SPOCK3: variants seen among roughly 807,000 people sequenced by gnomAD.
SPOCK3 encodes the protein testican-3.
Under a neutral mutation model 56.6 loss-of-function variants are expected in SPOCK3, and 30 were observed. That is an observed-to-expected ratio of 0.53 (90% CI 0.40 to 0.72). The LOEUF is 0.72. Ranked by LOEUF, SPOCK3 falls within the 30% of genes least tolerant of loss-of-function variation. The pLI is 0.00. For missense variants in SPOCK3, 527 were observed against 530.0 expected (o/e 0.99, Z 0.06); for synonymous variants, 196 against 183.3 (o/e 1.07, Z -0.56).
intron 3 of SPOCK3, among the ~76,000 whole-genome samples, chr4:167,027,828 G>A (rs1726205551): frequency 6.6e-6 from 1 of 151,968 alleles, no homozygotes; most frequent in Admixed American, 6.6e-5. Context: ...GAGGAAGGGG[G>A]TCTTGCTGTC....
intron 3 of SPOCK3, among the ~76,000 whole-genome samples, chr4:167,015,322 T>C (rs1458125087): frequency 1.3e-5 from 2 of 152,176 alleles, no homozygotes; most frequent in Admixed American, 6.6e-5. Context: ...GCTTTATATA[T>C]GCCCAGACTT....
intron 3 of SPOCK3, among the ~76,000 whole-genome samples, chr4:167,001,258 G>A (rs755897930): frequency 5.9e-5 from 9 of 151,926 alleles, no homozygotes; most frequent in African/African-American, 1.5e-4. Flanking sequence ...CAAACATATC[G>A]TCTTGTTATC....
intron 5 of SPOCK3, among the ~76,000 whole-genome samples, chr4:166,889,843 C>T (rs1394426273): frequency 1.3e-5 from 2 of 151,910 alleles, no homozygotes; most frequent in African/African-American, 4.8e-5. Context: ...AGCACCATAG[C>T]TCAAACACAC....
intron 3 of SPOCK3, among the ~76,000 whole-genome samples, chr4:167,009,148 T>TA (rs1749769263): frequency 6.6e-6 from 1 of 152,022 alleles, no homozygotes; most frequent in Non-Finnish European, 1.5e-5. Flanking sequence ...AAATTATAAT[T>TA]AAAAAATATT....
chr4:166,894,766 A>G (rs1735190143), intron 5 of SPOCK3, among the ~76,000 whole-genome samples: 1 of 152,130 alleles, frequency 6.6e-6, no homozygotes, highest in East Asian at 1.9e-4. Flanking sequence ...TACTAAACCC[A>G]TTCTCTCAGA....
intron 2 of SPOCK3, among the ~76,000 whole-genome samples, chr4:167,082,033 C>CT: frequency 6.6e-6 from 1 of 151,750 alleles, no homozygotes; most frequent in Non-Finnish European, 1.5e-5. Context: ...TTAGGGTACC[C>CT]AAGTGAATCT....
intron 2 of SPOCK3, among the ~76,000 whole-genome samples, chr4:167,201,693 C>G (rs1165135698): frequency 1.4e-5 from 2 of 147,040 alleles, no homozygotes; most frequent in Non-Finnish European, 3.0e-5. Flanking sequence ...TTTTTTTCTT[C>G]TTTAATGACT....
chr4:166,954,166 A>G (rs1743100173), intron 4 of SPOCK3, among the ~76,000 whole-genome samples: 1 of 152,112 alleles, frequency 6.6e-6, no homozygotes, highest in African/African-American at 2.4e-5. Flanking sequence ...AGTTCCTTTT[A>G]TAATAGGTTG....
chr4:167,208,769 C>T (rs536737572), intron 2 of SPOCK3, among the ~76,000 whole-genome samples: 1 of 152,076 alleles, frequency 6.6e-6, no homozygotes, highest in Admixed American at 6.6e-5. Flanking sequence ...ATGATTTTAT[C>T]TGTGAAAAGG....
intron 6 of SPOCK3, among the ~76,000 whole-genome samples, chr4:166,840,810 G>A (rs1403172844): frequency 3.6e-5 from 4 of 111,204 alleles, no homozygotes; most frequent in East Asian, 3.0e-4. Context: ...ATGCAGTCTC[G>A]CTCTGTCGCC....
chr4:166,878,682 T>C (rs1733373710), intron 6 of SPOCK3, among the ~76,000 whole-genome samples: 1 of 152,116 alleles, frequency 6.6e-6, no homozygotes, highest in Non-Finnish European at 1.5e-5. Flanking sequence ...CAAAATTATA[T>C]ACTGTTATTG....
intron 6 of SPOCK3, among the ~76,000 whole-genome samples, chr4:166,793,507 G>T (rs544597640): frequency 1.3e-5 from 2 of 152,282 alleles, no homozygotes; most frequent in South Asian, 4.1e-4. Flanking sequence ...TTTGTGTTGG[G>T]TCGCATTCAA....
At chr4:167,211,631 CTCTCT>C (rs1180097776) in intron 2 of SPOCK3, among the ~76,000 whole-genome samples, 4 of 152,148 alleles carry the variant, frequency 2.6e-5, no homozygotes, top group African/African-American at 9.7e-5. Context: ...CATGCACAAA[CTCTCT>C]TCTCTTGTCT....
intron 4 of SPOCK3, among the ~76,000 whole-genome samples, chr4:166,913,003 T>C (rs1010068138): frequency 1.3e-5 from 2 of 152,178 alleles, no homozygotes; most frequent in Non-Finnish European, 2.9e-5. Flanking sequence ...ATAGCTGTAT[T>C]TCTTCATGTG....
chr4:167,105,048 C>A (rs1252076699), intron 2 of SPOCK3, among the ~76,000 whole-genome samples: 21 of 151,890 alleles, frequency 1.4e-4, no homozygotes, highest in Admixed American at 1.4e-3. Context: ...TAAAAGCTTT[C>A]TAAGACAAAC....
intron 5 of SPOCK3, among the ~76,000 whole-genome samples, chr4:166,899,508 CTTTTT>C (rs781766258): frequency 8.4e-6 from 1 of 119,100 alleles, no homozygotes; most frequent in African/African-American, 3.1e-5. Context: ...TTCTTTCTTT[CTTTTT>C]TTTTTTTTTT....
At chr4:167,133,502 C>T (rs1762860954) in intron 2 of SPOCK3, among the ~76,000 whole-genome samples, 2 of 152,232 alleles carry the variant, frequency 1.3e-5, no homozygotes, top group South Asian at 2.1e-4. Context: ...ATGCACTGTC[C>T]AGCATTCTTT....
chr4:166,979,326 C>G (rs1171471485), intron 4 of SPOCK3, among the ~76,000 whole-genome samples: 2 of 152,076 alleles, frequency 1.3e-5, no homozygotes, highest in Admixed American at 6.5e-5. Context: ...TTACTGAACT[C>G]CCCGTCAATG....
In SPOCK3 at chr4:166,990,896, T is replaced by C. The variant is rs7679011; in HGVS notation, c.350+9453A>G. 6.0e-3 allele frequency among the ~76,000 whole-genome samples: 907 copies of C among 152,160 alleles called. 18 individuals carry two copies. Among genetic ancestry groups the C allele is most frequent in the Admixed American group, 0.044 (665 of 15,258 alleles). On this transcript the variant is annotated intron_variant, in intron 4 of 10. Coordinates refer to ENST00000357545, the MANE Select transcript of SPOCK3 (RefSeq NM_001040159.2). Reference sequence around the variant, plus strand: ...AGAGAGAAATATTTAGAATAAGAAATACTCATTTAATGAAGAGATTATTAA... The same window carrying C: ...AGAGAGAAATATTTAGAATAAGAAACACTCATTTAATGAAGAGATTATTAA...
Sources: allele counts gnomAD v4.1 joint callset (sites outside exome capture counted in the v4.1 genomes callset), GRCh38; gene constraint gnomAD v4.1.1; transcripts MANE v1.5; gene names NCBI Gene and HGNC (gene_info 2026-07-23, HGNC 2026-07-21).